PRG4: variants seen among roughly 807,000 people sequenced by gnomAD.
PRG4 encodes articular superficial zone protein.
A neutral mutation model predicts 91.2 loss-of-function variants in PRG4; 61 were observed. That is an observed-to-expected ratio of 0.67 (90% CI 0.54 to 0.83). The LOEUF is 0.83. Ranked by LOEUF, PRG4 falls within the 40% of genes least tolerant of loss-of-function variation. PRG4 has a pLI of 0.00. For missense variants in PRG4, 1,564 were observed against 1,714.2 expected (o/e 0.91, Z 1.55); for synonymous variants, 576 against 614.2 (o/e 0.94, Z 0.92).
intron 11 of PRG4, 136 bp downstream of exon 11, chr1:186,312,508 C>T: frequency 2.2e-6 from 2 of 928,068 alleles, no homozygotes; most frequent in Non-Finnish European, 3.2e-6. Context: ...AAAAACTCAT[C>T]CACTTGCCTT....
chr1:186,312,954 A>G (rs1369041869), intron 12 of PRG4, 60 bp downstream of exon 12: 2 of 1,539,688 alleles, frequency 1.3e-6, no homozygotes, highest in East Asian at 2.2e-5. Flanking sequence ...ACATGAAGAT[A>G]AAGTAAAAAT....
chr1:186,314,327 G>T lies in PRG4; in HGVS notation c.*549G>T. ...AAAAATTAACAATATAATGGCAATA[G>T]GTAGAGATACAACAAATGAATATAA... On this transcript the variant is annotated 3_prime_UTR_variant, in exon 13 of 13. Coordinates refer to ENST00000445192, the MANE Select transcript of PRG4 (RefSeq NM_005807.6). 1 of 389,242 alleles carries T rather than the reference G, an allele frequency of 2.6e-6. No homozygotes were observed. The allele number at this position is 389,242 out of a possible 1,614,324, so 24.1% of individuals were successfully genotyped here.
chr1:186,311,689 T>C (rs1657252366), intron 10 of PRG4, 93 bp downstream of exon 10: 2 of 1,299,238 alleles, frequency 1.5e-6, no homozygotes, highest in African/African-American at 2.9e-5. Flanking sequence ...AAAAGATATC[T>C]TTAATGGCTG....
In PRG4 at chr1:186,305,054, TAGAA is replaced by T. The variant is rs1185155632; in HGVS notation, c.598+135_598+138del. On this transcript the variant is annotated intron_variant, in intron 6 of 12. Coordinates refer to ENST00000445192, the MANE Select transcript of PRG4 (RefSeq NM_005807.6). ...GAATATAACTTTATGAATATTATCT[TAGAA>T]AGTACCAAATGAATACTTCCTACAG... 30 of 1,057,778 alleles carry T rather than the reference TAGAA, an allele frequency of 2.8e-5. No individual in the cohort carries two copies. In the South Asian group the frequency reaches 4.6e-4, roughly 16 times the overall value. 65.5% of individuals were successfully genotyped at this position (1,057,778 alleles called of 1,614,324 possible). A position where few individuals can be genotyped will look rare whatever the true frequency, so the allele number is the denominator to read the frequency against.
rs776823583 is a variant in PRG4 at position 186,304,142 on chromosome 1, A to C, written c.354A>C (p.Lys118Asn). ...CCACATCACCACCATCTTCAAAGAA[A>C]GCACCTCCACCTTCAGGAGCATCTC... is the stretch of plus-strand genomic sequence containing the variant. ...HNPTSPPSSK[K>N]APPPSGASQT... Residue 118 changes from lysine (K) to asparagine (N), a missense_variant, in exon 5 of 13, where the codon AAA becomes AAC. Lys to Asn is a moderately conservative substitution (Grantham distance 94, BLOSUM62 0). This residue lies in a region of PRG4 where 437 missense variants were observed against 459.0 expected (regional missense o/e 0.95). Coordinates refer to ENST00000445192, the MANE Select transcript of PRG4 (RefSeq NM_005807.6). The C allele has an allele frequency of 3.1e-6, 5 of 1,614,060 alleles. No individual in the cohort carries two copies. The East Asian group carries it at 8.9e-5, about 29-fold the overall frequency.
chr1:186,300,322 C>G (rs1656124838), intron 3 of PRG4, 109 bp downstream of exon 3: 10 of 1,419,126 alleles, frequency 7.0e-6, no homozygotes, highest in Non-Finnish European at 9.9e-6. Context: ...CTTGCACCCA[C>G]TTGCAGTGCT....
rs201230692 is a variant in PRG4, at chr1:186,301,574, T to C, written c.200-18T>C. On this transcript the variant is annotated intron_variant, in intron 3 of 12. Coordinates refer to ENST00000445192, the MANE Select transcript of PRG4 (RefSeq NM_005807.6). ...TTCACAATGAATAATCTGTAACTTCTTGTTTTGCTCTGGGTAGAGCTTTCC... is the reference window on the plus strand; with the variant it reads ...TTCACAATGAATAATCTGTAACTTCCTGTTTTGCTCTGGGTAGAGCTTTCC... 3.2e-5 allele frequency: 52 copies of C among 1,613,712 alleles called. 1 individual carries two copies. In the Admixed American group the frequency reaches 6.7e-4, roughly 21 times the overall value.
intron 3 of PRG4, among the ~76,000 whole-genome samples, chr1:186,301,274 G>C (rs1403567361): frequency 1.3e-5 from 2 of 152,132 alleles, no homozygotes; most frequent in South Asian, 2.1e-4. Flanking sequence ...TCATATGAAG[G>C]CTATCTCACT....
chr1:186,308,072 A>T lies in PRG4; in HGVS notation c.2353A>T (p.Thr785Ser). The change falls in exon 7 of 13, where the codon ACC becomes TCC. Residue 785 changes from threonine to serine, a missense_variant. Thr to Ser is a moderately conservative substitution (Grantham distance 58). Coordinates refer to ENST00000445192, the MANE Select transcript of PRG4 (RefSeq NM_005807.6). ...TACCCCTAAGGGGACTGCTCCAACT[A>T]CCCTCAAGGAACCTGCACCCACTAC... Reference protein sequence around the residue: ...PTTPKGTAPTTLKEPAPTTPK... With the variant: ...PTTPKGTAPTSLKEPAPTTPK... The T allele has an allele frequency of 6.2e-7, 1 of 1,608,144 alleles. No individual in the cohort carries two copies. Among genetic ancestry groups the T allele is most frequent in the Non-Finnish European group, 8.5e-7 (1 of 1,178,652 alleles).
At chr1:186,298,433 A>G (rs915032913) in intron 2 of PRG4, among the ~76,000 whole-genome samples, 4 of 152,172 alleles carry the variant, frequency 2.6e-5, no homozygotes, top group African/African-American at 9.7e-5. Context: ...AATAGCAATA[A>G]AAGTAGGACA....
Position 186,307,813 on chromosome 1 carries a change from A to G in PRG4, c.2094A>G (p.Pro698=). Residue 698 remains proline, a synonymous_variant, in exon 7 of 13, where the codon CCA becomes CCG. Transcript: ENST00000445192. ...CAACTACCCCTAAGGAGCCTGCTCCAACTACCCCTAAGGAGACTGCTCCAA... is the reference window on the plus strand; with the variant it reads ...CAACTACCCCTAAGGAGCCTGCTCCGACTACCCCTAAGGAGACTGCTCCAA... ...PAPTTPKEPA[P]TTPKETAPTT... 1 of 1,609,684 alleles carries G rather than the reference A, an allele frequency of 6.2e-7. No homozygotes were observed. The highest frequency in any genetic ancestry group is 1.1e-5 in the South Asian group (1 of 90,894).
At chr1:186,304,662 C>A in intron 5 of PRG4, 132 bp from the exon 6 acceptor site, 2 of 1,146,378 alleles carry the variant, frequency 1.7e-6, no homozygotes, top group South Asian at 1.4e-5. Flanking sequence ...GGCAGTTGGT[C>A]ATATTACTAA....
rs1377513986 is a variant in PRG4 at position 186,311,740 on chromosome 1, A to G, written c.3793+144A>G. 1.8e-5 allele frequency: 16 copies of G among 879,136 alleles called. No individual in the cohort carries two copies. The South Asian group carries it at 2.3e-4, about 13-fold the overall frequency. 54.5% of individuals were successfully genotyped at this position (879,136 alleles called of 1,614,324 possible). A position where few individuals can be genotyped will look rare whatever the true frequency, so the allele number is the denominator to read the frequency against. On this transcript the variant is annotated intron_variant, in intron 10 of 12. Coordinates refer to ENST00000445192, the MANE Select transcript of PRG4 (RefSeq NM_005807.6). Reference sequence around the variant, plus strand: ...AGTGAAAAAAATCAATATTGAGGGTAGTATTCTTATTGCCCTCAATTTTTA... The same window carrying G: ...AGTGAAAAAAATCAATATTGAGGGTGGTATTCTTATTGCCCTCAATTTTTA...
At position 186,312,229 on chromosome 1, in the gene PRG4, G is replaced by C. The variant is rs1188942196; in HGVS notation, c.3848G>C (p.Gly1283Ala). The C allele has an allele frequency of 4.3e-6, 7 of 1,613,888 alleles. No individual in the cohort carries two copies. The highest frequency in any genetic ancestry group is 2.7e-5 in the African/African-American group (2 of 74,886). ...YKQEPVQKCP[G>A]RRPALNYPVY... is the part of the protein sequence containing the mutation. ...CAGGAACCTGTACAGAAGTGCCCTG[G>C]AAGAAGGCCTGCTCTAAATTATCCA... The change falls in exon 11 of 13, where the codon GGA (glycine) becomes GCA (alanine). Residue 1283 changes from glycine to alanine, a missense_variant. Gly to Ala is a moderately conservative substitution (Grantham distance 60). This residue lies in a region of PRG4 where 1,079 missense variants were observed against 1,162.2 expected (regional missense o/e 0.93). Coordinates refer to ENST00000445192, the MANE Select transcript of PRG4 (RefSeq NM_005807.6).
In PRG4 at chr1:186,313,709, T is replaced by C. The variant is rs776751111; in HGVS notation, c.4146T>C (p.Ser1382=). ...AATACTATAACATTGATGTGCCTAG[T>C]AGAACAGCAAGAGCAATTACTACTC... ...KDQYYNIDVP[S]RTARAITTRS... is the part of the protein sequence containing the mutation. The change falls in exon 13 of 13, where the codon AGT becomes AGC. Residue 1382 remains serine, a synonymous_variant. Coordinates refer to ENST00000445192, the MANE Select transcript of PRG4 (RefSeq NM_005807.6). The C allele has an allele frequency of 4.4e-6, 7 of 1,608,028 alleles. No homozygotes were observed. The highest frequency in any genetic ancestry group is 2.2e-5 in the East Asian group (1 of 44,742).
chr1:186,298,984 G>A (rs1380264317), intron 2 of PRG4, among the ~76,000 whole-genome samples: 1 of 151,936 alleles, frequency 6.6e-6, no homozygotes, highest in Non-Finnish European at 1.5e-5. Flanking sequence ...TGTTTTATTT[G>A]CATATTCAGA....
At chr1:186,304,050 T>C in intron 4 of PRG4, 58 bp from the exon 5 acceptor site, 4 of 1,579,998 alleles carry the variant, frequency 2.5e-6, no homozygotes, top group South Asian at 1.1e-5. Context: ...CTTTTCACAG[T>C]TAGAGCTGCT....
At position 186,308,319 on chromosome 1, in the gene PRG4, C is replaced by T; in HGVS notation, c.2600C>T (p.Thr867Ile). 4.3e-6 allele frequency: 7 copies of T among 1,614,008 alleles called. No individual in the cohort carries two copies. The highest frequency in any genetic ancestry group is 1.3e-5 in the African/African-American group (1 of 75,026). The change falls in exon 7 of 13, where the codon ACC becomes ATC. Residue 867 changes from threonine (T) to isoleucine (I), a missense_variant. Coordinates refer to ENST00000445192, the MANE Select transcript of PRG4 (RefSeq NM_005807.6). ...VSTPTTTKEP[T>I]TIHKSPDEST... The stretch of plus-strand genomic sequence containing the variant: ...ACTCCAACTACCACCAAGGAGCCTA[C>T]CACTATCCACAAAAGCCCTGATGAA...
At chr1:186,296,977 T>A in intron 2 of PRG4, 26 bp downstream of exon 2, 1 of 1,574,054 alleles carries the variant, frequency 6.4e-7, no homozygotes, top group Non-Finnish European at 8.7e-7. Context: ...AACATACTTT[T>A]ATTTAACAAC....
Sources: allele counts gnomAD v4.1 joint callset (sites outside exome capture counted in the v4.1 genomes callset), GRCh38; gene constraint gnomAD v4.1.1; regional missense constraint gnomAD v4.1.1; transcripts MANE v1.5; gene names NCBI Gene and HGNC (gene_info 2026-07-23, HGNC 2026-07-21).